Variants in ZC3H14 observed in about 807,000 individuals in gnomAD.
ZC3H14 encodes the protein zinc finger CCCH domain-containing protein 14.
Under a neutral mutation model 92.4 loss-of-function variants are expected in ZC3H14, and 31 were observed. The observed-to-expected ratio is 0.34, with a 90% CI of 0.25 to 0.45. ZC3H14 has a LOEUF of 0.45. Among genes scored for constraint, ZC3H14 ranks in the 20% least tolerant of loss-of-function variants. ZC3H14 has a pLI of 1.00. For synonymous variants in ZC3H14, 321 were observed against 300.9 expected (o/e 1.07, Z -0.69); for missense variants, 781 against 897.3 (o/e 0.87, Z 1.66).
chr14:88,606,281 C>T (rs1354298609), intron 12 of ZC3H14, among the ~76,000 whole-genome samples: 4 of 152,220 alleles, frequency 2.6e-5, no homozygotes, highest in South Asian at 2.1e-4. Flanking sequence ...TCATAGTAAT[C>T]GAAGCTGTGA....
At chr14:88,563,371 G>C in intron 1 of ZC3H14, 1 of 1,442,896 alleles carries the variant, frequency 6.9e-7, no homozygotes, top group Non-Finnish European at 9.0e-7. Context: ...GGCTGAAGTA[G>C]CCGCCGGGAA....
intron 2 of ZC3H14, among the ~76,000 whole-genome samples, chr14:88,564,102 A>G (rs1210539017): frequency 1.3e-5 from 2 of 152,116 alleles, no homozygotes; most frequent in African/African-American, 4.8e-5. Context: ...GTGAGCCACC[A>G]TGCCTGTTTA....
At chr14:88,583,079 A>ATTT (rs34990579) in intron 9 of ZC3H14, among the ~76,000 whole-genome samples, 1,800 of 129,268 alleles carry the variant, frequency 0.014, 16 homozygotes, top group African/African-American at 0.019. Context: ...GGCTTTATTG[A>ATTT]TTTTTTTTTT....
At chr14:88,598,092 G>A (rs2084095536) in intron 10 of ZC3H14, among the ~76,000 whole-genome samples, 2 of 152,074 alleles carry the variant, frequency 1.3e-5, no homozygotes, top group African/African-American at 2.4e-5. Flanking sequence ...TTTTCTCTAA[G>A]TGGTCTGTTT....
At chr14:88,564,505 T>TGA (rs1390601320) in intron 2 of ZC3H14, among the ~76,000 whole-genome samples, 15 of 152,220 alleles carry the variant, frequency 9.9e-5, no homozygotes, top group Admixed American at 9.8e-4. Flanking sequence ...CTACCACTAA[T>TGA]GACAGTGGTT....
chr14:88,578,795 T>G (rs1467489571), intron 9 of ZC3H14, among the ~76,000 whole-genome samples: 4 of 148,346 alleles, frequency 2.7e-5, no homozygotes, highest in South Asian at 4.4e-4. Flanking sequence ...TTTTTTTTTT[T>G]TTTTTTTTTT....
chr14:88,622,735 G>A lies in ZC3H14; in HGVS notation c.*10984G>A, dbSNP rs2089226455. 3 of 1,557,172 alleles carry A rather than the reference G, an allele frequency of 1.9e-6. No homozygotes were observed. Among genetic ancestry groups the A allele is most frequent in the South Asian group, 1.2e-5 (1 of 82,288 alleles). Reference sequence around the variant, plus strand: ...TCTTTTGACCTAAGTAAATAACCAAGCCAGAGTAAGTGTTCATTATTGGCT... The same window carrying A: ...TCTTTTGACCTAAGTAAATAACCAAACCAGAGTAAGTGTTCATTATTGGCT... On this transcript the variant is annotated 3_prime_UTR_variant, in exon 17 of 17. Coordinates refer to ENST00000251038, the MANE Select transcript of ZC3H14 (RefSeq NM_024824.5).
At position 88,626,721 on chromosome 14, in the gene ZC3H14, G is replaced by T. The variant is rs17798544; in HGVS notation, c.*14970G>T. 1 of 984,102 alleles carries T rather than the reference G, an allele frequency of 1.0e-6. No individual in the cohort carries two copies. The highest frequency in any genetic ancestry group is 1.5e-6 in the Non-Finnish European group (1 of 661,478). 61.0% of individuals were successfully genotyped at this position (984,102 alleles called of 1,614,324 possible). Reference sequence around the variant, plus strand: ...AAGATGAAATATATGCTTGACCAGGGCATGTAATGATTAGCAGATCACAGT... The same window carrying T: ...AAGATGAAATATATGCTTGACCAGGTCATGTAATGATTAGCAGATCACAGT... On this transcript the variant is annotated 3_prime_UTR_variant, in exon 17 of 17. Transcript: ENST00000251038.
intron 9 of ZC3H14, chr14:88,590,201 T>C (rs1311155621): frequency 2.0e-5 from 3 of 152,236 alleles, no homozygotes; most frequent in African/African-American, 7.2e-5. Context: ...GAATAGTGTG[T>C]TCTTACAAGG....
chr14:88,611,947 T>C lies in ZC3H14; in HGVS notation c.*196T>C, dbSNP rs2086855038. 9.7e-6 allele frequency: 7 copies of C among 720,102 alleles called. No individual in the cohort carries two copies. The highest frequency in any genetic ancestry group is 3.0e-5 in the Admixed American group (1 of 33,760). The allele number at this position is 720,102 out of a possible 1,614,324, so 44.6% of individuals were successfully genotyped here. A position where few individuals can be genotyped will look rare whatever the true frequency, so the allele number is the denominator to read the frequency against. ...TATTATGTGGTTTTAACATTGGGTG[T>C]TTTTGTTTTGTTTTTACTATGAAAA... On this transcript the variant is annotated 3_prime_UTR_variant, in exon 17 of 17. Coordinates refer to ENST00000251038, the MANE Select transcript of ZC3H14 (RefSeq NM_024824.5).
chr14:88,607,027 C>CT (rs1231987412), intron 12 of ZC3H14, among the ~76,000 whole-genome samples: 1 of 152,166 alleles, frequency 6.6e-6, no homozygotes, highest in Non-Finnish European at 1.5e-5. Context: ...TCACTGTCCT[C>CT]TTTCCTTTTC....
At position 88,614,095 on chromosome 14, in the gene ZC3H14, A is replaced by T. The variant is rs761395673; in HGVS notation, c.*2344A>T. 1 of 152,208 alleles carries T rather than the reference A, an allele frequency of 6.6e-6. No homozygotes were observed. 9.4% of individuals were successfully genotyped at this position (152,208 alleles called of 1,614,324 possible). ...TCTACCTGCACTGTAATGGAAATAT[A>T]ATTTCTCTGTAGCCAAAAGCTGGCA... On this transcript the variant is annotated 3_prime_UTR_variant, in exon 17 of 17. Coordinates refer to ENST00000251038, the MANE Select transcript of ZC3H14 (RefSeq NM_024824.5).
chr14:88,606,808 G>C (rs2085488199), intron 12 of ZC3H14, among the ~76,000 whole-genome samples: 1 of 149,084 alleles, frequency 6.7e-6, no homozygotes, highest in Non-Finnish European at 1.5e-5. Flanking sequence ...TGGACTTACA[G>C]CTCAGCAGGT....
intron 8 of ZC3H14, 67 bp from the exon 9 acceptor site, chr14:88,577,916 CAT>C: frequency 1.3e-6 from 2 of 1,584,858 alleles, no homozygotes; most frequent in Non-Finnish European, 1.7e-6. Context: ...TTTAATATGA[CAT>C]AGTCACTGTG....
rs1425992093 is a variant in ZC3H14, at chr14:88,571,974, A to C, written c.236-56A>C. ...CGAGACTCCATCTCAAAAATAAATA[A>C]ATAAATAAAAATAAGAAATAAAAAT... On this transcript the variant is annotated intron_variant, in intron 4 of 16. Coordinates refer to ENST00000251038, the MANE Select transcript of ZC3H14 (RefSeq NM_024824.5). 29 of 1,346,122 alleles carry C rather than the reference A, an allele frequency of 2.2e-5. 1 individual carries two copies. Among genetic ancestry groups the C allele is most frequent in the Non-Finnish European group, 2.1e-5 (21 of 1,005,960 alleles). 83.4% of individuals were successfully genotyped at this position (1,346,122 alleles called of 1,614,324 possible). A position where few individuals can be genotyped will look rare whatever the true frequency, so the allele number is the denominator to read the frequency against.
chr14:88,577,890 A>G, intron 8 of ZC3H14, 95 bp from the exon 9 acceptor site: 2 of 1,533,668 alleles, frequency 1.3e-6, no homozygotes, highest in South Asian at 2.3e-5. Flanking sequence ...GTCCTAAACC[A>G]AAGGAGGCAT....
chr14:88,593,694 CCTTAT>C (rs1160834693), intron 9 of ZC3H14, among the ~76,000 whole-genome samples: 6 of 152,140 alleles, frequency 3.9e-5, no homozygotes, highest in South Asian at 4.2e-4. Flanking sequence ...GAAGTTGGAA[CCTTAT>C]CTTATGTCAT....
chr14:88,590,565 T>A (rs2083005282), intron 9 of ZC3H14: 1 of 152,260 alleles, frequency 6.6e-6, no homozygotes, highest in South Asian at 2.1e-4. Flanking sequence ...CCACACTCCC[T>A]CTTTTCTGAA....
chr14:88,604,729 G>A (rs1014487658), intron 12 of ZC3H14, among the ~76,000 whole-genome samples: 5 of 151,894 alleles, frequency 3.3e-5, no homozygotes, highest in Non-Finnish European at 7.4e-5. Flanking sequence ...CAAGTAGCTG[G>A]GATTACAGGC....
Sources: allele counts gnomAD v4.1 joint callset (sites outside exome capture counted in the v4.1 genomes callset), GRCh38; gene constraint gnomAD v4.1.1; transcripts MANE v1.5; gene names NCBI Gene and HGNC (gene_info 2026-07-23, HGNC 2026-07-21).